WDR3: variants seen among roughly 807,000 people sequenced by gnomAD.
WDR3 encodes the protein WD repeat-containing protein 3.
WDR3 carries 81 observed loss-of-function variants against 123.7 expected under a neutral mutation model. The observed-to-expected ratio is 0.65, with a 90% CI of 0.55 to 0.79. The LOEUF (loss-of-function observed/expected upper bound fraction) is 0.79, where lower values mean the gene tolerates loss of function less well. WDR3 is among the 30% of genes least tolerant of loss of function. The probability of loss-of-function intolerance (pLI) is 0.00; values close to 1 mark genes in which losing one functional copy is unlikely to be tolerated. For missense variants in WDR3, 1,027 were observed against 1,123.2 expected (o/e 0.91, Z 1.22); for synonymous variants, 390 against 388.8 (o/e 1.00, Z -0.04).
chr1:117,963,812 A>T lies in WDR3; in HGVS notation c.*4365A>T. The T allele has an allele frequency of 6.2e-7, 1 of 1,612,214 alleles. No individual in the cohort carries two copies. Among genetic ancestry groups the T allele is most frequent in the Non-Finnish European group, 8.5e-7 (1 of 1,179,042 alleles). Reference sequence around the variant, plus strand: ...TACTTACTGTACCTAATGTGGAGAAACTTTACGAGACATGAAGACTCCAAG... The same window carrying T: ...TACTTACTGTACCTAATGTGGAGAATCTTTACGAGACATGAAGACTCCAAG... On this transcript the variant is annotated 3_prime_UTR_variant, in exon 27 of 27. Coordinates refer to ENST00000349139, the MANE Select transcript of WDR3 (RefSeq NM_006784.3).
chr1:117,952,310 C>T lies in WDR3; in HGVS notation c.1918C>T (p.Gln640Ter), dbSNP rs368039898. 1.9e-6 allele frequency: 3 copies of T among 1,611,222 alleles called. No individual in the cohort carries two copies. Among genetic ancestry groups the T allele is most frequent in the Non-Finnish European group, 1.7e-6 (2 of 1,178,702 alleles). The change falls in exon 18 of 27, where the codon CAG (glutamine) becomes TAG (stop). Residue 640 changes from glutamine (Q) to a stop codon, truncating the protein, a stop_gained. Coordinates refer to ENST00000349139, the MANE Select transcript of WDR3 (RefSeq NM_006784.3). LOFTEE classifies it high-confidence loss of function. ...GTCACTTTTCAGTGTGATGTACCTA[C>T]AGTTTGTACCCAAGTCTCACCTCTT... ...FAHDDSVMYL[Q>*]FVPKSHLFFT...
intron 25 of WDR3, among the ~76,000 whole-genome samples, chr1:117,957,409 A>C (rs967483511): frequency 6.6e-6 from 1 of 151,738 alleles, no homozygotes; most frequent in Non-Finnish European, 1.5e-5. Context: ...TGCCTTTAAA[A>C]CAAGGATCAT....
rs1236393185 is a variant in WDR3, at chr1:117,965,803, A to G, written c.*6356A>G. On this transcript the variant is annotated 3_prime_UTR_variant, in exon 27 of 27. Transcript: ENST00000349139. ...CTGCTTAAATAATAAAATTCAAGCC[A>G]AGGATTTAAGATCTTTCATAACTTG... 6.6e-6 allele frequency: 1 copy of G among 152,232 alleles called. No individual in the cohort carries two copies. The highest frequency in any genetic ancestry group is 1.5e-5 in the Non-Finnish European group (1 of 68,052). 9.4% of individuals were successfully genotyped at this position (152,232 alleles called of 1,614,324 possible).
chr1:117,936,513 T>C (rs1650950723), intron 3 of WDR3, among the ~76,000 whole-genome samples: 1 of 152,274 alleles, frequency 6.6e-6, no homozygotes, highest in South Asian at 2.1e-4. Flanking sequence ...ATGATATGAA[T>C]GGCATGATTT....
At chr1:117,942,737 A>G (rs1651215772) in intron 10 of WDR3, among the ~76,000 whole-genome samples, 193 bp downstream of exon 10, 2 of 152,088 alleles carry the variant, frequency 1.3e-5, no homozygotes, top group South Asian at 4.1e-4. Context: ...GGATTATTAT[A>G]GTACCCTTTT....
intron 6 of WDR3, 44 bp downstream of exon 6, chr1:117,939,616 A>G (rs1161749345): frequency 2.5e-6 from 4 of 1,578,216 alleles, no homozygotes; most frequent in East Asian, 4.5e-5. Flanking sequence ...TAGAAGTTTC[A>G]TAAGCACCTT....
chr1:117,933,118 C>T (rs1469901186), intron 1 of WDR3, among the ~76,000 whole-genome samples, 170 bp from the exon 2 acceptor site: 1 of 151,796 alleles, frequency 6.6e-6, no homozygotes, highest in Non-Finnish European at 1.5e-5. Context: ...GCAGGAGAAT[C>T]GCTTGAACCT....
intron 21 of WDR3, chr1:117,953,744 C>G (rs1034307339): frequency 6.4e-6 from 4 of 622,576 alleles, no homozygotes; most frequent in Non-Finnish European, 1.1e-5. Flanking sequence ...GTGCTCCTTT[C>G]AGGTGTTCCT....
chr1:117,964,236 C>CTT lies in WDR3; in HGVS notation c.*4805_*4806dup, dbSNP rs373131863. 1.3e-3 allele frequency: 174 copies of CTT among 131,778 alleles called. No homozygotes were observed. The highest frequency in any genetic ancestry group is 4.4e-3 in the African/African-American group (149 of 33,882). The allele number at this position is 131,778 out of a possible 1,614,324, so 8.2% of individuals were successfully genotyped here. A position where few individuals can be genotyped will look rare whatever the true frequency, so the allele number is the denominator to read the frequency against. On this transcript the variant is annotated 3_prime_UTR_variant, in exon 27 of 27. Transcript: ENST00000349139. ...AACCATATCTACATCAGATTTCATGCTTTTTTTTTTTTTTTTTGGTGGGGA... is the reference window on the plus strand; with the variant it reads ...AACCATATCTACATCAGATTTCATGCTTTTTTTTTTTTTTTTTTTGGTGGGGA...
Position 117,962,991 on chromosome 1 carries a change from T to C in WDR3, c.*3544T>C, listed in dbSNP as rs958524284. On this transcript the variant is annotated 3_prime_UTR_variant, in exon 27 of 27. Coordinates refer to ENST00000349139, the MANE Select transcript of WDR3 (RefSeq NM_006784.3). ...CAATCCACCCCCATTCCTCACAATT[T>C]AAGCTCCTAAGTTTGAGATGGGGCT... The C allele has an allele frequency of 9.9e-5, 15 of 152,246 alleles. No homozygotes were observed. The highest frequency in any genetic ancestry group is 1.9e-4 in the Non-Finnish European group (13 of 68,042). 9.4% of individuals were successfully genotyped at this position (152,246 alleles called of 1,614,324 possible).
intron 24 of WDR3, 30 bp downstream of exon 24, chr1:117,955,388 A>T (rs1339418007): frequency 6.2e-7 from 1 of 1,605,524 alleles, no homozygotes; most frequent in Non-Finnish European, 8.5e-7. Flanking sequence ...CAATTTTTGT[A>T]ATCTGTCAGC....
chr1:117,959,263 T>A, intron 26 of WDR3, 29 bp from the exon 27 acceptor site: 2 of 1,594,454 alleles, frequency 1.3e-6, no homozygotes, highest in Non-Finnish European at 8.5e-7. Flanking sequence ...GGGAGAAAAT[T>A]TTTTAATATT....
At chr1:117,954,436 G>T in intron 22 of WDR3, 144 bp from the exon 23 acceptor site, 1 of 746,348 alleles carries the variant, frequency 1.3e-6, no homozygotes, top group South Asian at 2.0e-5. Flanking sequence ...TAACAGGTTT[G>T]ATAATTCTTT....
chr1:117,953,416 T>C, intron 20 of WDR3, 60 bp from the exon 21 acceptor site: 1 of 1,519,274 alleles, frequency 6.6e-7, no homozygotes, highest in Non-Finnish European at 9.1e-7. Context: ...AAGATTAATT[T>C]ATCAGCTCTT....
chr1:117,934,960 A>C (rs1475536392), intron 3 of WDR3, among the ~76,000 whole-genome samples: 2 of 152,244 alleles, frequency 1.3e-5, no homozygotes, highest in African/African-American at 2.4e-5. Context: ...AAAACAGTAA[A>C]ATAAGGAAAG....
rs1290019929 is a variant in WDR3 at position 117,961,535 on chromosome 1, TTTG to T, written c.*2097_*2099del. ...TGAGACAGTTTTGCTTTTTATCTTTTTTGTTGTTGTTAATCCCAAAGATTTAAA... is the reference window on the plus strand; with the variant it reads ...TGAGACAGTTTTGCTTTTTATCTTTTTTGTTGTTAATCCCAAAGATTTAAA... On this transcript the variant is annotated 3_prime_UTR_variant, in exon 27 of 27. Coordinates refer to ENST00000349139, the MANE Select transcript of WDR3 (RefSeq NM_006784.3). The T allele has an allele frequency of 6.6e-5, 10 of 152,342 alleles. No homozygotes were observed. Among genetic ancestry groups the T allele is most frequent in the Admixed American group, 3.9e-4 (6 of 15,300 alleles). The allele number at this position is 152,342 out of a possible 1,614,324, so 9.4% of individuals were successfully genotyped here.
chr1:117,955,203 C>G, intron 23 of WDR3, 112 bp from the exon 24 acceptor site: 1 of 871,252 alleles, frequency 1.1e-6, no homozygotes, highest in Non-Finnish European at 1.7e-6. Context: ...TTTTAGAATA[C>G]TTTTTCTGAA....
chr1:117,940,729 G>GACAACAACAACAACAACAACAAA, intron 6 of WDR3, 98 bp from the exon 7 acceptor site: 1 of 1,114,244 alleles, frequency 9.0e-7, no homozygotes, highest in Non-Finnish European at 1.3e-6. Context: ...CTCTGTCTCC[G>GACAACAACAACAACAACAACAAA]ACAACAACAA....
chr1:117,946,665 G>A (rs960681186), intron 12 of WDR3, among the ~76,000 whole-genome samples: 3 of 152,032 alleles, frequency 2.0e-5, no homozygotes, highest in Non-Finnish European at 4.4e-5. Flanking sequence ...ATTTGGGCCG[G>A]GCGCAGTGGC....
Sources: gnomAD v4.1 joint callset for allele counts (sites outside exome capture counted in the v4.1 genomes callset) on GRCh38, gnomAD v4.1.1 for gene constraint, MANE v1.5 for transcripts, NCBI Gene and HGNC (gene_info 2026-07-23, HGNC 2026-07-21) for gene names.